Variants in CFAP47 observed in about 807,000 individuals in gnomAD.
The protein encoded by CFAP47 is cilia- and flagella-associated protein 47.
In CFAP47, 29 loss-of-function variants were observed where a neutral mutation model predicts 148.1. The observed-to-expected ratio is 0.20, with a 90% CI of 0.15 to 0.27. CFAP47 has a LOEUF of 0.27. CFAP47 is among the 10% of genes least tolerant of loss of function. CFAP47 has a pLI of 1.00. For missense variants in CFAP47, 1,872 were observed against 1,697.5 expected (o/e 1.10, Z -1.81); for synonymous variants, 664 against 577.3 (o/e 1.15, Z -2.15).
intron 26 of CFAP47, among the ~76,000 whole-genome samples, chrX:36,054,725 T>C (rs1027473704): frequency 2.7e-5 from 3 of 111,596 alleles, no homozygotes. Flanking sequence ...TATTTAAAGA[T>C]GAATATTATT....
intron 56 of CFAP47, among the ~76,000 whole-genome samples, chrX:36,316,959 G>A (rs186457406): frequency 3.9e-4 from 43 of 111,259 alleles, no homozygotes; most frequent in African/African-American, 1.2e-3. Flanking sequence ...CTAATTTTTC[G>A]TATTTTTTAT....
chrX:35,979,840 C>A (rs899619609), intron 15 of CFAP47, among the ~76,000 whole-genome samples: 2 of 111,880 alleles, frequency 1.8e-5, no homozygotes, highest in Non-Finnish European at 3.8e-5. Context: ...AAGGCAAGCC[C>A]AGCCCATTCC....
intron 26 of CFAP47, among the ~76,000 whole-genome samples, chrX:36,060,815 T>C (rs1937588038): frequency 8.9e-6 from 1 of 111,837 alleles, no homozygotes; most frequent in African/African-American, 3.2e-5. Flanking sequence ...TAACATATTA[T>C]GGGTTATTGC....
rs774656443 is a variant in CFAP47 at position 35,951,149 on chromosome X, A to G, written c.675A>G (p.Gln225=). 8.3e-7 allele frequency: 1 copy of G among 1,209,603 alleles called. No homozygotes were observed. The highest frequency in any genetic ancestry group is 1.1e-6 in the Non-Finnish European group (1 of 893,349). Reference sequence around the variant, plus strand: ...CCTGTAGAGTGATTTTGCAAGGTCAACCTGAGATGCTCTTGAGTATCAAAG... The same window carrying G: ...CCTGTAGAGTGATTTTGCAAGGTCAGCCTGAGATGCTCTTGAGTATCAAAG... ...DEEAIVILQG[Q]PEMLLSIKAH... The change falls in exon 5 of 64, where the codon CAA becomes CAG. Residue 225 remains glutamine, a synonymous_variant. Coordinates refer to ENST00000378653, the MANE Select transcript of CFAP47 (RefSeq NM_001304548.2).
At chrX:36,359,897 C>A (rs1475597302) in intron 60 of CFAP47, among the ~76,000 whole-genome samples, 2 of 111,009 alleles carry the variant, frequency 1.8e-5, no homozygotes, top group African/African-American at 6.6e-5. Context: ...ACTACAGGTG[C>A]CCGCCACCAT....
intron 51 of CFAP47, among the ~76,000 whole-genome samples, chrX:36,290,820 GT>G (rs1174694001): frequency 1.8e-5 from 2 of 112,367 alleles, no homozygotes; most frequent in African/African-American, 6.5e-5. Flanking sequence ...TTAGGAGGAA[GT>G]TTAAGTCTTG....
At chrX:36,034,067 T>A (rs1202675622) in intron 23 of CFAP47, among the ~76,000 whole-genome samples, 1 of 111,700 alleles carries the variant, frequency 9.0e-6, no homozygotes, top group Non-Finnish European at 1.9e-5. Flanking sequence ...TTTTCACTAA[T>A]GTCCATTTAC....
intron 22 of CFAP47, among the ~76,000 whole-genome samples, chrX:36,019,443 T>C (rs1330009991): frequency 9.0e-6 from 1 of 111,535 alleles, no homozygotes; most frequent in Non-Finnish European, 1.9e-5. Context: ...CTTAGGCGCA[T>C]ATAAGTAAAC....
chrX:35,988,163 G>T (rs902096352), intron 15 of CFAP47, among the ~76,000 whole-genome samples: 5 of 111,917 alleles, frequency 4.5e-5, no homozygotes, highest in African/African-American at 1.6e-4. Context: ...TGGGAAGCTA[G>T]CAGGAGCTCA....
chrX:36,057,927 C>A (rs1405553221), intron 26 of CFAP47, among the ~76,000 whole-genome samples: 1 of 111,499 alleles, frequency 9.0e-6, no homozygotes, highest in Non-Finnish European at 1.9e-5. Context: ...GGGCATGGTA[C>A]TTTCCTATTA....
rs16987461 is a variant in CFAP47, at chrX:36,299,050, G to C, written c.7760G>C (p.Ser2587Thr). 2 of 1,144,708 alleles carry C rather than the reference G, an allele frequency of 1.7e-6. No homozygotes were observed. The highest frequency in any genetic ancestry group is 5.2e-5 in the Admixed American group (2 of 38,477). 94.3% of individuals were successfully genotyped at this position (1,144,708 alleles called of 1,213,427 possible). A position where few individuals can be genotyped will look rare whatever the true frequency, so the allele number is the denominator to read the frequency against. Residue 2587 changes from serine to threonine, a missense_variant, in exon 52 of 64, where the codon AGT becomes ACT. Physicochemically the swap from Ser to Thr is moderately conservative, Grantham distance 58 (BLOSUM62 1). Transcript: ENST00000378653. ...CTTCACTTAGAGGTGCAGTTAACGA[G>C]TGCTGCCCTTAATGGGGATAATGAA... ...RGLHLEVQLTSAALNGDNEII... is the reference protein window; with the variant it reads ...RGLHLEVQLTTAALNGDNEII...
At chrX:36,200,241 A>G in intron 42 of CFAP47, 138 bp from the exon 43 acceptor site, 1 of 277,447 alleles carries the variant, frequency 3.6e-6, no homozygotes, top group Non-Finnish European at 6.4e-6. Context: ...ACCTTTGTTT[A>G]CCCATTTATA....
chrX:35,941,429 T>C (rs759149692), intron 3 of CFAP47, 31 bp downstream of exon 3: 4 of 776,622 alleles, frequency 5.2e-6, no homozygotes, highest in Non-Finnish European at 7.3e-6. Flanking sequence ...TTACTTACAC[T>C]TTTAGAAGAG....
chrX:36,338,878 C>A (rs782390594), intron 57 of CFAP47, among the ~76,000 whole-genome samples: 2 of 111,736 alleles, frequency 1.8e-5, no homozygotes. Context: ...TCACAGAGAC[C>A]TTCCTGGAAC....
intron 62 of CFAP47, among the ~76,000 whole-genome samples, chrX:36,376,827 A>G (rs1372868354): frequency 6.9e-5 from 6 of 87,427 alleles, no homozygotes; most frequent in Non-Finnish European, 1.3e-4. Context: ...TCCTGTGTCC[A>G]TGTGTTCTCA....
Position 36,000,303 on chromosome X carries a change from C to T in CFAP47, c.3198C>T (p.Gly1066=), listed in dbSNP as rs969349937. The T allele has an allele frequency of 1.0e-5, 3 of 294,019 alleles. No homozygotes were observed. The highest frequency in any genetic ancestry group is 6.2e-5 in the Admixed American group (1 of 16,196). 24.2% of individuals were successfully genotyped at this position (294,019 alleles called of 1,213,427 possible). A position where few individuals can be genotyped will look rare whatever the true frequency, so the allele number is the denominator to read the frequency against. ...EINPDVFNFS[G]AYIGGTQIIP... is the part of the protein sequence containing the mutation. ...TTTAGGATGTATTTAATTTCAGTGG[C>T]GCCTATATTGGTGGTACCCAGATTA... The change falls in exon 20 of 64, where the codon GGC becomes GGT. Residue 1066 remains glycine (G), a synonymous_variant. Coordinates refer to ENST00000378653, the MANE Select transcript of CFAP47 (RefSeq NM_001304548.2).
chrX:35,934,358 G>GT (rs927729715), intron 2 of CFAP47, among the ~76,000 whole-genome samples: 15 of 110,999 alleles, frequency 1.4e-4, no homozygotes, highest in African/African-American at 4.9e-4. Flanking sequence ...CCCACAGGGA[G>GT]TACTGCCAAG....
chrX:35,975,746 T>C lies in CFAP47; in HGVS notation c.2546T>C (p.Leu849Pro). The C allele has an allele frequency of 8.3e-7, 1 of 1,209,427 alleles. No individual in the cohort carries two copies. Residue 849 changes from leucine (L) to proline (P), a missense_variant, in exon 15 of 64, where the codon CTT becomes CCT. Physicochemically the swap from Leu to Pro is moderately conservative, Grantham distance 98 (BLOSUM62 -3). Coordinates refer to ENST00000378653, the MANE Select transcript of CFAP47 (RefSeq NM_001304548.2). ...GTGGCAGTTGTCCAGCCAGTAACAC[T>C]TGAGCTATCTTCTAATGAGCTAGTA... is the stretch of plus-strand genomic sequence containing the variant. Reference protein sequence around the residue: ...LVVAVVQPVTLELSSNELVLR... With the variant: ...LVVAVVQPVTPELSSNELVLR...
intron 60 of CFAP47, among the ~76,000 whole-genome samples, chrX:36,357,574 A>C (rs1941795113): frequency 1.8e-5 from 2 of 112,236 alleles, no homozygotes; most frequent in African/African-American, 6.5e-5. Context: ...GTTTTCAAAA[A>C]TATTTATTCA....
Sources: gnomAD v4.1 joint callset for allele counts (sites outside exome capture counted in the v4.1 genomes callset) on GRCh38, gnomAD v4.1.1 for gene constraint, MANE v1.5 for transcripts, NCBI Gene and HGNC (gene_info 2026-07-23, HGNC 2026-07-21) for gene names.